Variants in SEMA7A observed in about 807,000 individuals in gnomAD.
SEMA7A encodes the protein semaphorin-7A.
In SEMA7A, 21 loss-of-function variants were observed where a neutral mutation model predicts 67.5. The observed-to-expected ratio is 0.31, with a 90% confidence interval of 0.22 to 0.45. The LOEUF (loss-of-function observed/expected upper bound fraction) is 0.45. Ranked by LOEUF, SEMA7A falls within the 20% of genes least tolerant of loss-of-function variation. SEMA7A has a pLI of 1.00. For synonymous variants in SEMA7A, 364 were observed against 368.5 expected (o/e 0.99, Z 0.14); for missense variants, 774 against 908.6 (o/e 0.85, Z 1.90).
At chr15:74,432,373 C>T (rs1409876327) in intron 1 of SEMA7A, among the ~76,000 whole-genome samples, 1 of 152,126 alleles carries the variant, frequency 6.6e-6, no homozygotes, top group Admixed American at 6.5e-5. Flanking sequence ...GCTCGGCTTC[C>T]TCCAGGAGCA....
Position 74,415,959 on chromosome 15 carries a change from C to T in SEMA7A, c.828G>A (p.Leu276=). The T allele has an allele frequency of 6.2e-7, 1 of 1,614,076 alleles. No individual in the cohort carries two copies. The highest frequency in any genetic ancestry group is 1.1e-5 in the South Asian group (1 of 91,084). ...GAAAAGTGTTCCACTTGGAGACTGACAGTGAACTTTCCCCACCCTGGTCCC... is the reference window on the plus strand; with the variant it reads ...GAAAAGTGTTCCACTTGGAGACTGATAGTGAACTTTCCCCACCCTGGTCCC... ...CRGDQGGESS[L]SVSKWNTFLK... Residue 276 remains leucine (L), a synonymous_variant, in exon 8 of 14, where the codon CTG becomes CTA. Transcript: ENST00000261918.
At chr15:74,417,298 C>A (rs772704790) in intron 6 of SEMA7A, 37 bp downstream of exon 6, 1 of 1,540,986 alleles carries the variant, frequency 6.5e-7, no homozygotes, top group Non-Finnish European at 9.0e-7. Context: ...GCTCACACCC[C>A]CTTGCCCACC....
chr15:74,432,341 C>T (rs112965271), intron 1 of SEMA7A, among the ~76,000 whole-genome samples: 1 of 152,242 alleles, frequency 6.6e-6, no homozygotes, highest in East Asian at 1.9e-4. Flanking sequence ...CATGTACAGG[C>T]GGCCGGAGCT....
rs777448919 is a variant in SEMA7A, at chr15:74,410,810, C to T, written c.1815G>A (p.Ala605=). 1.1e-5 allele frequency: 17 copies of T among 1,614,204 alleles called. No individual in the cohort carries two copies. Among genetic ancestry groups the T allele is most frequent in the South Asian group, 3.3e-5 (3 of 91,086 alleles). The change falls in exon 14 of 14, where the codon GCG becomes GCA. Residue 605 remains alanine (A), a synonymous_variant. Coordinates refer to ENST00000261918, the MANE Select transcript of SEMA7A (RefSeq NM_003612.5). The surrounding 1 kb of genome is among the most constrained non-coding windows in gnomAD (Gnocchi z 7.5). ...CGCAGAAGTAGTGGCCGTACTGCTG[C>T]GCCGTGAGGTTCTCGATGAACAGGA... The part of the protein sequence containing the change: ...NCILFIENLT[A]QQYGHYFCEA...
intron 1 of SEMA7A, among the ~76,000 whole-genome samples, chr15:74,433,361 T>TG (rs1193322114): frequency 1.3e-5 from 2 of 151,540 alleles, no homozygotes; most frequent in African/African-American, 4.8e-5. Flanking sequence ...GTACCCGGGT[T>TG]GGGGTCCCAG....
At chr15:74,418,597 C>A (rs1043028266) in intron 2 of SEMA7A, among the ~76,000 whole-genome samples, 13 of 152,192 alleles carry the variant, frequency 8.5e-5, no homozygotes, top group African/African-American at 2.9e-4. Context: ...CCCATTAGCT[C>A]CTGTTTTTCT....
At chr15:74,421,388 C>T (rs918122929) in intron 1 of SEMA7A, among the ~76,000 whole-genome samples, 1 of 152,194 alleles carries the variant, frequency 6.6e-6, no homozygotes, top group East Asian at 1.9e-4. Flanking sequence ...AGGGCCCGGA[C>T]AATCCCATGC....
At chr15:74,426,382 C>T (rs1415091116) in intron 1 of SEMA7A, among the ~76,000 whole-genome samples, 2 of 152,208 alleles carry the variant, frequency 1.3e-5, no homozygotes, top group Non-Finnish European at 2.9e-5. Flanking sequence ...TGCACATGCT[C>T]CCTGACCTCC....
At chr15:74,415,111 T>C (rs2060936882) in intron 8 of SEMA7A, among the ~76,000 whole-genome samples, 165 bp from the exon 9 acceptor site, 1 of 152,328 alleles carries the variant, frequency 6.6e-6, no homozygotes, top group Middle Eastern at 3.4e-3. Flanking sequence ...TTCTTTGTGC[T>C]GCAATTTAAA....
intron 2 of SEMA7A, 128 bp downstream of exon 2, chr15:74,418,673 T>G: frequency 9.8e-7 from 1 of 1,025,250 alleles, no homozygotes; most frequent in Non-Finnish European, 1.4e-6. Flanking sequence ...AGGAGCCATT[T>G]ATAGGATACG....
chr15:74,432,584 C>CT (rs1310629110), intron 1 of SEMA7A, among the ~76,000 whole-genome samples: 1 of 152,166 alleles, frequency 6.6e-6, no homozygotes, highest in African/African-American at 2.4e-5. Flanking sequence ...GTTCGGGCCA[C>CT]TCGTTTTGTG....
Position 74,418,283 on chromosome 15 carries a change from G to A in SEMA7A, c.357C>T (p.Ser119=). ...RTVNIGSTKG[S]CLDKRDCENY... is the part of the protein sequence containing the mutation. ...CCCCACTCACCCGCTTATCCAGACA[G>A]GACCCCTTTGTGGAGCCGATATTCA... The change falls in exon 3 of 14, where the codon TCC becomes TCT. Residue 119 remains serine, a synonymous_variant. Transcript: ENST00000261918. The A allele has an allele frequency of 6.2e-7, 1 of 1,612,056 alleles. No individual in the cohort carries two copies. Among genetic ancestry groups the A allele is most frequent in the Non-Finnish European group, 8.5e-7 (1 of 1,179,396 alleles).
chr15:74,410,402 C>A lies in SEMA7A; in HGVS notation c.*222G>T. On this transcript the variant is annotated 3_prime_UTR_variant, in exon 14 of 14. Transcript: ENST00000261918. This position sits in a 1 kb window ranked among gnomAD's most constrained non-coding sequence, Gnocchi z 7.5. ...TTGGGTCATCGATGCCCCAGCTTCACAGTCGGTGCCCTCATTCTCAGCCCC... is the reference window on the plus strand; with the variant it reads ...TTGGGTCATCGATGCCCCAGCTTCAAAGTCGGTGCCCTCATTCTCAGCCCC... 1.8e-6 allele frequency: 1 copy of A among 542,426 alleles called. No homozygotes were observed. Among genetic ancestry groups the A allele is most frequent in the Non-Finnish European group, 3.2e-6 (1 of 317,298 alleles). 33.6% of individuals were successfully genotyped at this position (542,426 alleles called of 1,614,324 possible). A position where few individuals can be genotyped will look rare whatever the true frequency, so the allele number is the denominator to read the frequency against.
chr15:74,417,832 AG>A, intron 4 of SEMA7A, 44 bp downstream of exon 4: 1 of 1,593,044 alleles, frequency 6.3e-7, no homozygotes, highest in Non-Finnish European at 8.6e-7. Context: ...AAGCCCACGC[AG>A]TAGAAGGTGA....
In SEMA7A at chr15:74,433,794, G is replaced by T; in HGVS notation, c.125C>A (p.Ala42Asp). ...GCTCCTTAGGTGGCCCTGGGCGGAG[G>T]CGGCGGCCGCCCAGAGCAGCAGCAG... ...RLLLLLWAAA[A>D]SAQGHLRSGP... The change falls in exon 1 of 14, where the codon GCC becomes GAC. Residue 42 changes from alanine to aspartate, a missense_variant. Ala to Asp is a moderately radical substitution (Grantham distance 126, BLOSUM62 -2). Coordinates refer to ENST00000261918, the MANE Select transcript of SEMA7A (RefSeq NM_003612.5). 1 of 1,431,246 alleles carries T rather than the reference G, an allele frequency of 7.0e-7. No individual in the cohort carries two copies. Among genetic ancestry groups the T allele is most frequent in the South Asian group, 1.4e-5 (1 of 71,382 alleles). 88.7% of individuals were successfully genotyped at this position (1,431,246 alleles called of 1,614,324 possible). A position where few individuals can be genotyped will look rare whatever the true frequency, so the allele number is the denominator to read the frequency against.
chr15:74,410,348 C>G lies in SEMA7A; in HGVS notation c.*276G>C, dbSNP rs2060888565. ...CTGCATTTAGTCAAGTTTGAGGAGT[C>G]TGAAAAATATTTTCCAGAAGATAAA... On this transcript the variant is annotated 3_prime_UTR_variant, in exon 14 of 14. Transcript: ENST00000261918. The surrounding 1 kb of genome is among the most constrained non-coding windows in gnomAD (Gnocchi z 7.5). 1 of 452,902 alleles carries G rather than the reference C, an allele frequency of 2.2e-6. No homozygotes were observed. Among genetic ancestry groups the G allele is most frequent in the African/African-American group, 2.0e-5 (1 of 49,850 alleles). The allele number at this position is 452,902 out of a possible 1,614,324, so 28.1% of individuals were successfully genotyped here.
At position 74,415,893 on chromosome 15, in the gene SEMA7A, CTTG is replaced by C. The variant is rs2060943999; in HGVS notation, c.891_893del (p.Asn297del). 1.2e-6 allele frequency: 2 copies of C among 1,614,138 alleles called. No homozygotes were observed. Among genetic ancestry groups the C allele is most frequent in the African/African-American group, 2.7e-5 (2 of 75,038 alleles). On this transcript the variant is annotated inframe_deletion, in exon 8 of 14. Transcript: ENST00000261918. ...AGACGTCTTGCAGCCTGTTGAAGTTCTTGTTGGTGGCAGCATCACTGCATACCA... is the reference window on the plus strand; with the variant it reads ...AGACGTCTTGCAGCCTGTTGAAGTTCTTGGTGGCAGCATCACTGCATACCA...
At position 74,410,328 on chromosome 15, in the gene SEMA7A, T is replaced by G; in HGVS notation, c.*296A>C. 2.4e-5 allele frequency: 9 copies of G among 377,648 alleles called. No homozygotes were observed. Among genetic ancestry groups the G allele is most frequent in the Non-Finnish European group, 2.4e-5 (5 of 211,418 alleles). 23.4% of individuals were successfully genotyped at this position (377,648 alleles called of 1,614,324 possible). A position where few individuals can be genotyped will look rare whatever the true frequency, so the allele number is the denominator to read the frequency against. On this transcript the variant is annotated 3_prime_UTR_variant, in exon 14 of 14. Coordinates refer to ENST00000261918, the MANE Select transcript of SEMA7A (RefSeq NM_003612.5). The surrounding 1 kb of genome is among the most constrained non-coding windows in gnomAD (Gnocchi z 7.5). ...CTCTTGGGCTGGGAGCATCGCTGCA[T>G]TTAGTCAAGTTTGAGGAGTCTGAAA...
chr15:74,420,782 C>T (rs1183484918), intron 1 of SEMA7A, among the ~76,000 whole-genome samples: 2 of 152,214 alleles, frequency 1.3e-5, no homozygotes, highest in Non-Finnish European at 2.9e-5. Flanking sequence ...AGCCAGAGAT[C>T]CAGACAGTCT....
Sources: gnomAD v4.1 joint callset for allele counts (sites outside exome capture counted in the v4.1 genomes callset) on GRCh38, gnomAD v4.1.1 for gene constraint, Gnocchi (gnomAD v3.1) non-coding constraint, MANE v1.5 for transcripts, NCBI Gene and HGNC (gene_info 2026-07-23, HGNC 2026-07-21) for gene names.